PRKRA: variants seen among roughly 807,000 people sequenced by gnomAD.
PRKRA encodes the protein protein activator of interferon induced protein kinase EIF2AK2.
A neutral mutation model predicts 32.4 loss-of-function variants in PRKRA; 22 were observed. The observed-to-expected ratio is 0.68, with a 90% CI of 0.49 to 0.97. The LOEUF (loss-of-function observed/expected upper bound fraction) is 0.97, where lower values mean the gene tolerates loss of function less well. Ranked by LOEUF, PRKRA falls within the 50% of genes least tolerant of loss-of-function variation. The pLI is 0.00. For missense variants in PRKRA, 319 were observed against 375.6 expected, an observed-to-expected ratio of 0.85 and a Z score of 1.25; for synonymous variants, 139 against 129.8, an observed-to-expected ratio of 1.07 and a Z score of -0.48.
At position 178,450,253 on chromosome 2, in the gene PRKRA, A is replaced by G; in HGVS notation, c.224T>C (p.Ile75Thr). 1 of 1,614,276 alleles carries G rather than the reference A, an allele frequency of 6.2e-7. No individual in the cohort carries two copies. The highest frequency in any genetic ancestry group is 8.5e-7 in the Non-Finnish European group (1 of 1,180,042). The change falls in exon 2 of 8, where the codon ATA becomes ACA. Residue 75 changes from isoleucine to threonine, a missense_variant. Ile to Thr is a moderately conservative substitution (Grantham distance 89). Transcript: ENST00000325748. ...CTGTGTATACAGACCTGTGCAGGTT[A>G]TGTCACCAACGGTTACTCTGAAGGT... ...TFTFRVTVGD[I>T]TCTGEGTSKK...
Position 178,451,041 on chromosome 2 carries a change from G to A in PRKRA, c.-11C>T, listed in dbSNP as rs767401214. ...CCTGCTCTGGGACATGGCGAGAAGGGACGGCTCAGCGGCTGGAGGAAGAGC... is the reference window on the plus strand; with the variant it reads ...CCTGCTCTGGGACATGGCGAGAAGGAACGGCTCAGCGGCTGGAGGAAGAGC... On this transcript the variant is annotated 5_prime_UTR_variant, in exon 1 of 8. Transcript: ENST00000325748. 14 of 1,555,120 alleles carry A rather than the reference G, an allele frequency of 9.0e-6. No homozygotes were observed. The South Asian group carries it at 1.4e-4, about 16-fold the overall frequency.
rs1697627911 is a variant in PRKRA, at chr2:178,451,166, C to G, written c.-136G>C. 9.9e-7 allele frequency: 1 copy of G among 1,012,210 alleles called. No individual in the cohort carries two copies. The highest frequency in any genetic ancestry group is 1.4e-6 in the Non-Finnish European group (1 of 712,202). 62.7% of individuals were successfully genotyped at this position (1,012,210 alleles called of 1,614,324 possible). A position where few individuals can be genotyped will look rare whatever the true frequency, so the allele number is the denominator to read the frequency against. On this transcript the variant is annotated 5_prime_UTR_variant, in exon 1 of 8. Coordinates refer to ENST00000325748, the MANE Select transcript of PRKRA (RefSeq NM_003690.5). ...TCCCCCGCCTCCTGCTTGCGTTGCTCCAGCGAGGGGGCAGGCAGGGTGGGG... is the reference window on the plus strand; with the variant it reads ...TCCCCCGCCTCCTGCTTGCGTTGCTGCAGCGAGGGGGCAGGCAGGGTGGGG...
In PRKRA at chr2:178,431,932, A is replaced by G. The variant is rs1575082038; in HGVS notation, c.*165T>C. On this transcript the variant is annotated 3_prime_UTR_variant, in exon 8 of 8. Transcript: ENST00000325748. ...ATACAAAGTTGAAGCCATTAAAAAG[A>G]GCTTAATAACAACTATGAGGAGATA... The G allele has an allele frequency of 2.4e-6, 2 of 845,426 alleles. No homozygotes were observed. Among genetic ancestry groups the G allele is most frequent in the East Asian group, 2.7e-5 (1 of 37,472 alleles). The allele number at this position is 845,426 out of a possible 1,614,324, so 52.4% of individuals were successfully genotyped here. A position where few individuals can be genotyped will look rare whatever the true frequency, so the allele number is the denominator to read the frequency against.
At chr2:178,443,524 C>T in intron 4 of PRKRA, 140 bp from the exon 5 acceptor site, 1 of 648,654 alleles carries the variant, frequency 1.5e-6, no homozygotes, top group Non-Finnish European at 2.7e-6. Context: ...AGAGGGAAGA[C>T]CCTCTATTTC....
chr2:178,450,917 T>C, intron 1 of PRKRA, 49 bp downstream of exon 1: 1 of 1,516,810 alleles, frequency 6.6e-7, no homozygotes, highest in Non-Finnish European at 8.8e-7. Flanking sequence ...GCCCCGGCCC[T>C]GCCGCCCAAC....
At chr2:178,444,292 A>G in intron 4 of PRKRA, 130 bp downstream of exon 4, 1 of 775,718 alleles carries the variant, frequency 1.3e-6, no homozygotes, top group South Asian at 1.6e-5. Context: ...CTGTTAATCT[A>G]ATGATCGTAA....
At chr2:178,433,295 C>G (rs1696745799) in intron 7 of PRKRA, 1 of 152,158 alleles carries the variant, frequency 6.6e-6, no homozygotes, top group South Asian at 2.1e-4. Context: ...TACCTTTTGG[C>G]TTTTGTGAAT....
rs1328521969 is a variant in PRKRA, at chr2:178,444,497, A to G, written c.321T>C (p.Phe107=). ...NILKANASIC[F]AVPDPLMPDP... ...CAGGCATTAAGGGGTCAGGAACTGC[A>G]AAGCTAAATATTTTTTAAAAGTGTT... The change falls in exon 4 of 8, where the codon TTT becomes TTC. Residue 107 remains phenylalanine (F), a synonymous_variant. Coordinates refer to ENST00000325748, the MANE Select transcript of PRKRA (RefSeq NM_003690.5). 1.9e-6 allele frequency: 3 copies of G among 1,581,250 alleles called. No individual in the cohort carries two copies. Among genetic ancestry groups the G allele is most frequent in the Admixed American group, 3.3e-5 (2 of 59,982 alleles).
At chr2:178,445,608 C>A (rs1697288782) in intron 3 of PRKRA, 1 of 154,572 alleles carries the variant, frequency 6.5e-6, no homozygotes, top group African/African-American at 2.4e-5. Flanking sequence ...GCAGAAAGGA[C>A]ACTCCATACC....
intron 3 of PRKRA, among the ~76,000 whole-genome samples, chr2:178,446,168 C>T (rs1697306906): frequency 6.6e-6 from 1 of 152,102 alleles, no homozygotes; most frequent in Admixed American, 6.5e-5. Flanking sequence ...GCGCCTGCCA[C>T]CATGCCTGGC....
chr2:178,434,178 T>G (rs1348434695), intron 7 of PRKRA: 2 of 151,120 alleles, frequency 1.3e-5, no homozygotes, highest in African/African-American at 4.9e-5. Context: ...TGGCGCGATC[T>G]CGGTTCACTG....
At chr2:178,442,374 T>C (rs1234532096) in intron 5 of PRKRA, among the ~76,000 whole-genome samples, 1 of 152,206 alleles carries the variant, frequency 6.6e-6, no homozygotes, top group Non-Finnish European at 1.5e-5. Context: ...TCTCTCTCAA[T>C]GTCTATTTCC....
intron 6 of PRKRA, among the ~76,000 whole-genome samples, chr2:178,437,721 A>G (rs531618843): frequency 1.3e-5 from 2 of 152,226 alleles, no homozygotes; most frequent in Non-Finnish European, 2.9e-5. Flanking sequence ...CACTAATACC[A>G]GCTATTATCA....
chr2:178,432,495 G>A (rs1696704502), intron 7 of PRKRA, among the ~76,000 whole-genome samples: 1 of 152,066 alleles, frequency 6.6e-6, no homozygotes, highest in African/African-American at 2.4e-5. Context: ...AGATATCTAG[G>A]CTGCACTCTA....
In PRKRA at chr2:178,441,643, A is replaced by G; in HGVS notation, c.576T>C (p.Phe192=). 1 of 1,610,472 alleles carries G rather than the reference A, an allele frequency of 6.2e-7. No homozygotes were observed. The change falls in exon 6 of 8, where the codon TTT becomes TTC. Residue 192 remains phenylalanine (F), a synonymous_variant. Transcript: ENST00000325748. ...RNAAEKFLAK[F]SNISPENHIS... Reference sequence around the variant, plus strand: ...TGTGGTTCTCTGGAGAAATATTACTAAATTTGGCAAGAAATTTCTCAGCAG... The same window carrying G: ...TGTGGTTCTCTGGAGAAATATTACTGAATTTGGCAAGAAATTTCTCAGCAG...
rs1256134861 is a variant in PRKRA, at chr2:178,451,046, C to T, written c.-16G>A. 6.4e-7 allele frequency: 1 copy of T among 1,554,502 alleles called. No homozygotes were observed. Among genetic ancestry groups the T allele is most frequent in the Admixed American group, 1.8e-5 (1 of 54,306 alleles). On this transcript the variant is annotated 5_prime_UTR_variant, in exon 1 of 8. Transcript: ENST00000325748. ...TCTGGGACATGGCGAGAAGGGACGG[C>T]TCAGCGGCTGGAGGAAGAGCGGTGC... is the stretch of plus-strand genomic sequence containing the variant.
At chr2:178,448,376 T>C (rs1697399987) in intron 2 of PRKRA, among the ~76,000 whole-genome samples, 1 of 152,222 alleles carries the variant, frequency 6.6e-6, no homozygotes, top group Admixed American at 6.5e-5. Flanking sequence ...AAACCATATA[T>C]TTATCTGCTA....
intron 6 of PRKRA, 132 bp from the exon 7 acceptor site, chr2:178,436,451 T>C (rs187225059): frequency 2.6e-6 from 2 of 769,768 alleles, no homozygotes; most frequent in Admixed American, 4.9e-5. Flanking sequence ...GGATAACATT[T>C]GGTTAATTTT....
At chr2:178,445,084 G>A (rs1697265496) in intron 3 of PRKRA, among the ~76,000 whole-genome samples, 1 of 152,206 alleles carries the variant, frequency 6.6e-6, no homozygotes, top group Non-Finnish European at 1.5e-5. Context: ...AGAGAGATCT[G>A]TTTGATCTAT....
Sources: gnomAD v4.1 joint callset for allele counts (sites outside exome capture counted in the v4.1 genomes callset) on GRCh38, gnomAD v4.1.1 for gene constraint, MANE v1.5 for transcripts, NCBI Gene and HGNC (gene_info 2026-07-23, HGNC 2026-07-21) for gene names.